Variants in LCORL observed in about 807,000 individuals in gnomAD.
The protein encoded by LCORL is ligand dependent nuclear receptor corepressor like, also known as ligand-dependent nuclear receptor corepressor-like protein.
LCORL carries 41 observed loss-of-function variants against 141.8 expected under a neutral mutation model. The observed-to-expected ratio is 0.29, with a 90% CI of 0.23 to 0.38. The LOEUF (loss-of-function observed/expected upper bound fraction) is 0.38. Ranked by LOEUF, LCORL falls within the 10% of genes least tolerant of loss-of-function variation. The pLI is 1.00. For synonymous variants in LCORL, 618 were observed against 694.1 expected (o/e 0.89, Z 1.72); for missense variants, 1,759 against 2,035.0 (o/e 0.86, Z 2.61).
exon 8 of LCORL, chr4:17,841,413 G>A (rs1198019211): frequency 6.6e-6 from 1 of 151,774 alleles, no homozygotes; most frequent in African/African-American, 2.4e-5. Context: ...ATATTGTTTT[G>A]TAACCAGTAA....
At chr4:17,994,546 A>C (rs540382464) in intron 1 of LCORL, among the ~76,000 whole-genome samples, 2 of 152,328 alleles carry the variant, frequency 1.3e-5, no homozygotes, top group East Asian at 3.9e-4. Flanking sequence ...TTTGCTTTAG[A>C]CTAGATTAAT....
At chr4:17,848,243 G>T (rs531623303) in intron 7 of LCORL, among the ~76,000 whole-genome samples, 40 of 152,284 alleles carry the variant, frequency 2.6e-4, no homozygotes, top group African/African-American at 9.1e-4. Context: ...AAAAACAGTG[G>T]ATATGCAAAG....
At chr4:17,960,956 C>T (rs1316663656) in intron 4 of LCORL, among the ~76,000 whole-genome samples, 1 of 152,020 alleles carries the variant, frequency 6.6e-6, no homozygotes, top group Non-Finnish European at 1.5e-5. Context: ...TATAAAAGAA[C>T]TTAGAACACT....
At chr4:17,896,135 T>A (rs1164110734) in intron 5 of LCORL, among the ~76,000 whole-genome samples, 1 of 152,206 alleles carries the variant, frequency 6.6e-6, no homozygotes, top group Non-Finnish European at 1.5e-5. Flanking sequence ...AGGGGTTGCA[T>A]CATTTTATAT....
intron 1 of LCORL, among the ~76,000 whole-genome samples, chr4:17,993,278 C>T (rs1720350326): frequency 6.6e-6 from 1 of 152,164 alleles, no homozygotes; most frequent in Non-Finnish European, 1.5e-5. Context: ...AACCTAGGCT[C>T]ACTGCAACCT....
intron 4 of LCORL, among the ~76,000 whole-genome samples, chr4:17,929,032 A>T (rs1276983881): frequency 1.3e-5 from 2 of 152,208 alleles, no homozygotes; most frequent in African/African-American, 4.8e-5. Context: ...TGTAATTTTT[A>T]AAAAATCACA....
exon 8 of LCORL, chr4:17,843,531 A>G: frequency 7.6e-7 from 1 of 1,313,826 alleles, no homozygotes; most frequent in South Asian, 1.4e-5. Context: ...GTCTTTCTGA[A>G]GATTTTCTGC....
At chr4:17,937,351 T>C (rs1737032524) in intron 4 of LCORL, among the ~76,000 whole-genome samples, 1 of 152,306 alleles carries the variant, frequency 6.6e-6, no homozygotes, top group Admixed American at 6.5e-5. Flanking sequence ...TGTCCATTAA[T>C]AAAAAGTGTT....
chr4:17,959,852 CAT>C, intron 4 of LCORL, among the ~76,000 whole-genome samples: 1 of 152,220 alleles, frequency 6.6e-6, no homozygotes, highest in African/African-American at 2.4e-5. Context: ...AACAACACGT[CAT>C]AATACTACTC....
rs1194623949 is a variant in LCORL at position 18,021,858 on chromosome 4, G to A, written c.-107C>T. 4 of 1,272,264 alleles carry A rather than the reference G, an allele frequency of 3.1e-6. No homozygotes were observed. Among genetic ancestry groups the A allele is most frequent in the Non-Finnish European group, 3.1e-6 (3 of 971,134 alleles). 78.8% of individuals were successfully genotyped at this position (1,272,264 alleles called of 1,614,324 possible). ...CGGAGCGCGCGCCCCCCGGAGGGGG[G>A]TTGATTGACACGTGTCACTACCTTC... On this transcript the variant is annotated 5_prime_UTR_variant, in exon 1 of 8. Transcript: ENST00000635767. This position sits in a 1 kb window ranked among gnomAD's most constrained non-coding sequence, Gnocchi z 5.5.
intron 2 of LCORL, among the ~76,000 whole-genome samples, chr4:17,964,228 G>GA (rs1246223292): frequency 6.6e-6 from 1 of 152,064 alleles, no homozygotes; most frequent in African/African-American, 2.4e-5. Flanking sequence ...TAGGGTAATG[G>GA]AAAGATAACT....
chr4:17,936,029 A>G (rs1274916723), intron 4 of LCORL, among the ~76,000 whole-genome samples: 2 of 152,188 alleles, frequency 1.3e-5, no homozygotes, highest in Non-Finnish European at 2.9e-5. Flanking sequence ...ACAAGAGTAA[A>G]CTATTCACCT....
At chr4:17,940,087 T>C (rs1737610910) in intron 4 of LCORL, among the ~76,000 whole-genome samples, 1 of 148,274 alleles carries the variant, frequency 6.7e-6, no homozygotes, top group South Asian at 2.1e-4. Context: ...ATATACTATA[T>C]ATACATATAT....
At chr4:17,965,918 T>C (rs1489917638) in intron 2 of LCORL, among the ~76,000 whole-genome samples, 2 of 152,112 alleles carry the variant, frequency 1.3e-5, no homozygotes, top group African/African-American at 4.8e-5. Flanking sequence ...GCTGTAAATT[T>C]AGCGTTTCCA....
intron 1 of LCORL, among the ~76,000 whole-genome samples, chr4:18,001,663 G>T (rs1031179955): frequency 5.9e-5 from 9 of 152,162 alleles, no homozygotes; most frequent in Non-Finnish European, 1.3e-4. Flanking sequence ...CTGGAAATCA[G>T]TATGCAACTA....
intron 2 of LCORL, among the ~76,000 whole-genome samples, chr4:17,970,458 A>C (rs1465425610): frequency 6.6e-6 from 1 of 152,190 alleles, no homozygotes; most frequent in Non-Finnish European, 1.5e-5. Flanking sequence ...AAACAATCTA[A>C]TGTAAAATAT....
chr4:18,017,765 G>GA (rs777587201), intron 1 of LCORL, among the ~76,000 whole-genome samples: 6 of 152,020 alleles, frequency 3.9e-5, no homozygotes, highest in South Asian at 2.1e-4. Context: ...AAAGCTAACA[G>GA]AAAAAATAGA....
chr4:17,926,201 T>C (rs1405024108), intron 4 of LCORL, among the ~76,000 whole-genome samples: 1 of 152,052 alleles, frequency 6.6e-6, no homozygotes, highest in African/African-American at 2.4e-5. Flanking sequence ...GTCAACTTGA[T>C]GAGATTGAAG....
chr4:17,912,917 A>G, intron 4 of LCORL: 1 of 469,232 alleles, frequency 2.1e-6, no homozygotes, highest in South Asian at 1.8e-5. Context: ...ACCACCAGCC[A>G]CCGGATAGTG....
Sources: allele counts gnomAD v4.1 joint callset (sites outside exome capture counted in the v4.1 genomes callset), GRCh38; gene constraint gnomAD v4.1.1; non-coding constraint Gnocchi (gnomAD v3.1); transcripts MANE v1.5; gene names NCBI Gene and HGNC (gene_info 2026-07-23, HGNC 2026-07-21).